The following ETV6 variants were observed in gnomAD, a reference collection of about 807,000 sequenced individuals.
The protein encoded by ETV6 is transcription factor ETV6.
In ETV6, 16 loss-of-function variants were observed where a neutral mutation model predicts 51.1. That is an observed-to-expected ratio of 0.31 (90% CI 0.21 to 0.48). The LOEUF is 0.48. Among genes scored for constraint, ETV6 ranks in the 20% least tolerant of loss-of-function variants. The pLI, the probability that ETV6 is intolerant of heterozygous loss-of-function variation, is 0.99. For missense variants in ETV6, 458 were observed against 594.8 expected, an observed-to-expected ratio of 0.77 and a Z score of 2.39; for synonymous variants, 240 against 224.1, an observed-to-expected ratio of 1.07 and a Z score of -0.64.
rs535374086 is a variant in ETV6, at chr12:11,870,067, A to T, written c.1009+98A>T. 1.2e-5 allele frequency: 17 copies of T among 1,387,312 alleles called. No individual in the cohort carries two copies. The East Asian group carries it at 4.0e-4, about 33-fold the overall frequency. 85.9% of individuals were successfully genotyped at this position (1,387,312 alleles called of 1,614,324 possible). ...TGCAGCCAGCCTCGCACCATTCCCA[A>T]TTAGGCGCCCTCCAAGGCTCTCTGA... On this transcript the variant is annotated intron_variant, in intron 5 of 7. Transcript: ENST00000396373.
At chr12:11,747,860 C>T (rs1042536526) in intron 1 of ETV6, among the ~76,000 whole-genome samples, 4 of 152,212 alleles carry the variant, frequency 2.6e-5, no homozygotes, top group African/African-American at 9.6e-5. Flanking sequence ...ATCACCACCA[C>T]TTGAAATTTT....
chr12:11,751,341 G>C, intron 1 of ETV6: 1 of 518,738 alleles, frequency 1.9e-6, no homozygotes. Flanking sequence ...TTTTGCTCTT[G>C]AGTTTTATTT....
At chr12:11,657,654 A>G (rs1272810083) in intron 1 of ETV6, among the ~76,000 whole-genome samples, 3 of 152,124 alleles carry the variant, frequency 2.0e-5, no homozygotes, top group South Asian at 2.1e-4. Flanking sequence ...CCCTGGGGGT[A>G]TTTTCCCTTT....
rs1475746353 is a variant in ETV6, at chr12:11,791,408, G to T, written c.163+38829G>T. On this transcript the variant is annotated intron_variant, in intron 2 of 7. Transcript: ENST00000396373. ...TGTTGTCCAAAATACGTGTTCATGT[G>T]TATGTCAAACTAGAGCTTCTCAGGA... Among the ~76,000 whole-genome samples, 17 of 152,192 alleles carry T rather than the reference G, an allele frequency of 1.1e-4. 1 individual carries two copies. The highest frequency in any genetic ancestry group is 1.1e-3 in the Admixed American group (17 of 15,284).
In ETV6 at chr12:11,738,378, G is replaced by A. The variant is rs1488303163; in HGVS notation, c.34-14072G>A. Among the ~76,000 whole-genome samples the A allele has an allele frequency of 5.4e-5, 8 of 148,274 alleles. No individual in the cohort carries two copies. In the East Asian group the frequency reaches 5.9e-4, roughly 11 times the overall value. ...GTCAGCCAGGCTGGAGTGCAGTGGCGCAGTCATGGCTCACCAGCCTTGCAC... is the reference window on the plus strand; with the variant it reads ...GTCAGCCAGGCTGGAGTGCAGTGGCACAGTCATGGCTCACCAGCCTTGCAC... On this transcript the variant is annotated intron_variant, in intron 1 of 7. Coordinates refer to ENST00000396373, the MANE Select transcript of ETV6 (RefSeq NM_001987.5).
intron 1 of ETV6, among the ~76,000 whole-genome samples, chr12:11,655,332 T>C (rs1431611821): frequency 6.6e-6 from 1 of 152,172 alleles, no homozygotes; most frequent in African/African-American, 2.4e-5. Context: ...GGAACCAATC[T>C]CCGTGTGTAT....
chr12:11,884,341 C>T, intron 5 of ETV6, 104 bp from the exon 6 acceptor site: 1 of 1,303,702 alleles, frequency 7.7e-7, no homozygotes, highest in African/African-American at 1.5e-5. Flanking sequence ...ATCAGTCAAC[C>T]CAAGCTAGGC....
chr12:11,661,179 A>G (rs564133472), intron 1 of ETV6, among the ~76,000 whole-genome samples: 1 of 152,030 alleles, frequency 6.6e-6, no homozygotes, highest in African/African-American at 2.4e-5. Context: ...TTTTGTGGAG[A>G]CGAGGTCTTG....
chr12:11,893,040 TCA>T lies in ETV6; in HGVS notation c.*1995_*1996del. ...ACCTTCTATATGAGGCGAGTGGGTC[TCA>T]GTCTGCTTGAATGGTGATGAGATTC... On this transcript the variant is annotated 3_prime_UTR_variant, in exon 8 of 8. Coordinates refer to ENST00000396373, the MANE Select transcript of ETV6 (RefSeq NM_001987.5). The T allele has an allele frequency of 4.3e-6, 1 of 232,840 alleles. No individual in the cohort carries two copies. 14.4% of individuals were successfully genotyped at this position (232,840 alleles called of 1,614,324 possible). A position where few individuals can be genotyped will look rare whatever the true frequency, so the allele number is the denominator to read the frequency against.
In ETV6 at chr12:11,893,854, A is replaced by G. The variant is rs1195616368; in HGVS notation, c.*2808A>G. Reference sequence around the variant, plus strand: ...TATATATATATATACACACACACACACATACACAAATATTCCAGGATACAA... The same window carrying G: ...TATATATATATATACACACACACACGCATACACAAATATTCCAGGATACAA... On this transcript the variant is annotated 3_prime_UTR_variant, in exon 8 of 8. Coordinates refer to ENST00000396373, the MANE Select transcript of ETV6 (RefSeq NM_001987.5). The G allele has an allele frequency of 5.4e-5, 9 of 166,320 alleles. No individual in the cohort carries two copies. Among genetic ancestry groups the G allele is most frequent in the Non-Finnish European group, 7.4e-5 (6 of 81,268 alleles). The allele number at this position is 166,320 out of a possible 1,614,324, so 10.3% of individuals were successfully genotyped here. A position where few individuals can be genotyped will look rare whatever the true frequency, so the allele number is the denominator to read the frequency against.
chr12:11,837,640 C>CTG (rs1298024777), intron 2 of ETV6, among the ~76,000 whole-genome samples: 40 of 152,216 alleles, frequency 2.6e-4, no homozygotes, highest in African/African-American at 8.2e-4. Flanking sequence ...CAGGATCAAA[C>CTG]TGAGGGACAC....
intron 1 of ETV6, among the ~76,000 whole-genome samples, chr12:11,736,698 A>G (rs1865708204): frequency 6.6e-6 from 1 of 152,236 alleles, no homozygotes. Flanking sequence ...CACAAGTCAC[A>G]GAACTGGGTG....
chr12:11,827,775 C>T (rs1036221684), intron 2 of ETV6, among the ~76,000 whole-genome samples: 2 of 152,182 alleles, frequency 1.3e-5, no homozygotes, highest in African/African-American at 4.8e-5. Flanking sequence ...ACTCTGGTTA[C>T]ACTTTGCACA....
chr12:11,661,493 G>A (rs1409952579), intron 1 of ETV6, among the ~76,000 whole-genome samples: 1 of 152,234 alleles, frequency 6.6e-6, no homozygotes, highest in Non-Finnish European at 1.5e-5. Context: ...TCAAAGTGGG[G>A]TGAACCCAGT....
intron 1 of ETV6, among the ~76,000 whole-genome samples, chr12:11,664,988 A>G (rs772747618): frequency 1.3e-5 from 2 of 152,116 alleles, no homozygotes; most frequent in South Asian, 2.1e-4. Flanking sequence ...CCTTTCTAGT[A>G]TCATCTCCAC....
At chr12:11,676,769 C>CAT (rs1864429277) in intron 1 of ETV6, among the ~76,000 whole-genome samples, 1 of 152,072 alleles carries the variant, frequency 6.6e-6, no homozygotes, top group African/African-American at 2.4e-5. Context: ...AGCTTATGAA[C>CAT]ATAGTGTTGG....
chr12:11,677,703 A>G (rs967635224), intron 1 of ETV6, among the ~76,000 whole-genome samples: 3 of 152,230 alleles, frequency 2.0e-5, no homozygotes, highest in Non-Finnish European at 2.9e-5. Context: ...ATGTGGTTAC[A>G]CTAGTGCCAC....
At chr12:11,714,485 G>A (rs1320223721) in intron 1 of ETV6, among the ~76,000 whole-genome samples, 2 of 152,092 alleles carry the variant, frequency 1.3e-5, no homozygotes, top group African/African-American at 4.8e-5. Flanking sequence ...GGGGCCTGCT[G>A]AAACCAATTA....
Position 11,853,762 on chromosome 12 carries a change from A to G in ETV6, c.463+201A>G, listed in dbSNP as rs374879697. 1.2e-4 allele frequency among the ~76,000 whole-genome samples: 19 copies of G among 152,246 alleles called. No individual in the cohort carries two copies. In the East Asian group the frequency reaches 1.9e-3, roughly 15 times the overall value. ...GCGAAGCAGTGAGATGGATGTACACAGAAGCACAGAAGCGTAACCATATAG... is the reference window on the plus strand; with the variant it reads ...GCGAAGCAGTGAGATGGATGTACACGGAAGCACAGAAGCGTAACCATATAG... On this transcript the variant is annotated intron_variant, in intron 4 of 7. Transcript: ENST00000396373.
Sources: allele counts gnomAD v4.1 joint callset (sites outside exome capture counted in the v4.1 genomes callset), GRCh38; gene constraint gnomAD v4.1.1; transcripts MANE v1.5; gene names NCBI Gene and HGNC (gene_info 2026-07-23, HGNC 2026-07-21).